The following CDH11 variants were observed in gnomAD, a reference collection of about 807,000 sequenced individuals.
CDH11 encodes cadherin-11.
CDH11 carries 11 observed loss-of-function variants against 67.8 expected under a neutral mutation model. The observed-to-expected ratio is 0.16, with a 90% CI of 0.10 to 0.27. The LOEUF is 0.27. Among genes scored for constraint, CDH11 ranks in the 10% least tolerant of loss-of-function variants. CDH11 has a pLI of 1.00. For missense variants in CDH11, 847 were observed against 1,031.2 expected, an observed-to-expected ratio of 0.82 and a Z score of 2.45; for synonymous variants, 419 against 400.0, an observed-to-expected ratio of 1.05 and a Z score of -0.57.
At chr16:64,993,327 T>A (rs1415279328) in intron 4 of CDH11, among the ~76,000 whole-genome samples, 2 of 152,026 alleles carry the variant, frequency 1.3e-5, no homozygotes, top group Non-Finnish European at 2.9e-5. Flanking sequence ...ATTATAAATA[T>A]TATTGCAAAA....
intron 1 of CDH11, among the ~76,000 whole-genome samples, chr16:65,095,228 G>A (rs371939868): frequency 5.9e-5 from 9 of 152,152 alleles, no homozygotes; most frequent in African/African-American, 1.9e-4. Context: ...AGAATTACAA[G>A]CATTGGTGGC....
At chr16:65,031,553 A>G (rs774556502) in intron 2 of CDH11, among the ~76,000 whole-genome samples, 2 of 152,204 alleles carry the variant, frequency 1.3e-5, no homozygotes, top group Non-Finnish European at 2.9e-5. Flanking sequence ...AGGAACAGCA[A>G]TCCAGGCAGA....
chr16:65,013,103 A>G (rs1303150090), intron 2 of CDH11, among the ~76,000 whole-genome samples: 6 of 152,198 alleles, frequency 3.9e-5, no homozygotes, highest in Admixed American at 3.9e-4. Context: ...TGTGCTGAGA[A>G]TAAGTGACTT....
chr16:65,049,845 A>T (rs1406295612), intron 2 of CDH11, among the ~76,000 whole-genome samples: 2 of 152,174 alleles, frequency 1.3e-5, no homozygotes, highest in African/African-American at 4.8e-5. Context: ...CCTTCTCCAC[A>T]GTGGCCTACA....
intron 11 of CDH11, among the ~76,000 whole-genome samples, chr16:64,952,052 A>G (rs2071377528): frequency 6.6e-6 from 1 of 152,168 alleles, no homozygotes; most frequent in Non-Finnish European, 1.5e-5. Flanking sequence ...GTTCAGCCTG[A>G]CATCAAGAAT....
chr16:64,948,610 G>T (rs975949840), intron 12 of CDH11: 1 of 1,609,004 alleles, frequency 6.2e-7, no homozygotes, highest in East Asian at 2.2e-5. Flanking sequence ...AAGTCTTACC[G>T]TAAGTGTGGT....
At chr16:65,007,800 CT>C (rs950691118) in intron 2 of CDH11, among the ~76,000 whole-genome samples, 24 of 152,174 alleles carry the variant, frequency 1.6e-4, no homozygotes, top group African/African-American at 4.8e-4. Flanking sequence ...AGACTGGAAA[CT>C]TCTGAATGGA....
intron 1 of CDH11, among the ~76,000 whole-genome samples, chr16:65,071,445 C>T (rs1216570891): frequency 6.6e-6 from 1 of 152,140 alleles, no homozygotes; most frequent in African/African-American, 2.4e-5. Flanking sequence ...CACTTTGAAT[C>T]ACAGTGAACA....
chr16:64,947,935 T>C lies in CDH11; in HGVS notation c.2059A>G (p.Ile687Val), dbSNP rs186888660. ...TCTTTGCGGGGGATAAATCCATTGATACCATCAGGATTCTGGAGGGTGGCA... is the reference window on the plus strand; with the variant it reads ...TCTTTGCGGGGGATAAATCCATTGACACCATCAGGATTCTGGAGGGTGGCA... ...DIATLQNPDG[I>V]NGFIPRKDIK... Residue 687 changes from isoleucine to valine, a missense_variant, in exon 13 of 13, where the codon ATC becomes GTC. Ile to Val is a conservative substitution (Grantham distance 29, BLOSUM62 3). Transcript: ENST00000268603. 15 of 1,614,164 alleles carry C rather than the reference T, an allele frequency of 9.3e-6. No homozygotes were observed. The highest frequency in any genetic ancestry group is 1.2e-5 in the Non-Finnish European group (14 of 1,180,014).
chr16:65,122,563 T>C (rs2075353310), upstream of CDH11, among the ~76,000 whole-genome samples: 1 of 152,124 alleles, frequency 6.6e-6, no homozygotes, highest in South Asian at 2.1e-4. Flanking sequence ...AATTGGGAAT[T>C]CGGGAGCGCG....
intron 11 of CDH11, among the ~76,000 whole-genome samples, chr16:64,963,806 T>A (rs1239701787): frequency 6.6e-6 from 1 of 152,074 alleles, no homozygotes; most frequent in East Asian, 1.9e-4. Flanking sequence ...AGTGAAATAA[T>A]TAAAGTATTG....
At chr16:65,074,358 T>G (rs2074470517) in intron 1 of CDH11, among the ~76,000 whole-genome samples, 1 of 152,168 alleles carries the variant, frequency 6.6e-6, no homozygotes, top group South Asian at 2.1e-4. Flanking sequence ...AGTTTTGGAT[T>G]TAAAAAACTC....
chr16:64,968,523 C>G, intron 11 of CDH11: 1 of 985,310 alleles, frequency 1.0e-6, no homozygotes, highest in Non-Finnish European at 1.2e-6. Flanking sequence ...GAAGAATCAT[C>G]CAGTGTTCTA....
chr16:64,973,165 T>C, intron 8 of CDH11, 125 bp from the exon 9 acceptor site: 1 of 961,000 alleles, frequency 1.0e-6, no homozygotes, highest in Non-Finnish European at 1.5e-6. Flanking sequence ...ATTTTCTTTC[T>C]AATCAAATTT....
intron 4 of CDH11, among the ~76,000 whole-genome samples, chr16:64,998,208 G>T (rs926071481): frequency 5.9e-5 from 9 of 152,122 alleles, no homozygotes; most frequent in African/African-American, 2.2e-4. Context: ...TGTGAAATAC[G>T]GTGAGTTGGA....
intron 2 of CDH11, among the ~76,000 whole-genome samples, chr16:65,045,329 GTATATATATATATA>G (rs57695452): frequency 0.036 from 2,250 of 63,280 alleles, 144 homozygotes; most frequent in African/African-American, 0.07. Flanking sequence ...TCCCTCAAAA[GTATATATATATATA>G]TATATATATA....
intron 1 of CDH11, among the ~76,000 whole-genome samples, chr16:65,073,541 C>T (rs895061409): frequency 2.6e-5 from 4 of 152,200 alleles, no homozygotes; most frequent in Non-Finnish European, 5.9e-5. Context: ...CTTGGCCTCT[C>T]GAAGTGCTGG....
At chr16:65,044,043 G>A (rs2073912165) in intron 2 of CDH11, among the ~76,000 whole-genome samples, 2 of 152,150 alleles carry the variant, frequency 1.3e-5, no homozygotes, top group African/African-American at 4.8e-5. Flanking sequence ...CAGAAAAAGG[G>A]AGGAGAGGAT....
chr16:64,964,110 T>C (rs1172442514), intron 11 of CDH11, among the ~76,000 whole-genome samples: 1 of 152,222 alleles, frequency 6.6e-6, no homozygotes, highest in Non-Finnish European at 1.5e-5. Context: ...ACAGTAATAA[T>C]TGCAACAATG....
Sources: allele counts gnomAD v4.1 joint callset (sites outside exome capture counted in the v4.1 genomes callset), GRCh38; gene constraint gnomAD v4.1.1; transcripts MANE v1.5; gene names NCBI Gene and HGNC (gene_info 2026-07-23, HGNC 2026-07-21).